The following CYP2C19 variants were observed in gnomAD, a reference collection of about 807,000 sequenced individuals.
CYP2C19 encodes cytochrome P450 2C19.
Under a neutral mutation model 40.9 loss-of-function variants are expected in CYP2C19, and 59 were observed. The ratio of observed to expected loss-of-function variants is 1.44; its 90% CI spans 1.17 to 1.79. The LOEUF (loss-of-function observed/expected upper bound fraction) is 1.79, where lower values mean the gene tolerates loss of function less well. Among genes scored for constraint, CYP2C19 ranks in the 40% most tolerant of loss-of-function variants. The pLI, the probability that CYP2C19 is intolerant of heterozygous loss-of-function variation, is 0.00. For missense variants in CYP2C19, 754 were observed against 596.9 expected (o/e 1.26, Z -2.74); for synonymous variants, 253 against 208.7 (o/e 1.21, Z -1.83).
At chr10:94,822,058 T>C (rs1046722909) in intron 6 of CYP2C19, among the ~76,000 whole-genome samples, 1 of 152,220 alleles carries the variant, frequency 6.6e-6, no homozygotes, top group South Asian at 2.1e-4. Context: ...TTTCTGTTCT[T>C]GTATTAGATT....
chr10:94,821,831 T>A (rs557755700), intron 6 of CYP2C19, among the ~76,000 whole-genome samples: 1 of 152,180 alleles, frequency 6.6e-6, no homozygotes, highest in East Asian at 1.9e-4. Context: ...AAATACAGAT[T>A]TGTTACATGG....
chr10:94,820,656 A>G lies in CYP2C19; in HGVS notation c.961+19A>G. On this transcript the variant is annotated intron_variant, in intron 6 of 8. Transcript: ENST00000371321. ...GTCACAGGTATGATCACAGAGGATG[A>G]GTTAATTGAGTTTTAGGAAAGATGT... 6.2e-7 allele frequency: 1 copy of G among 1,614,056 alleles called. No individual in the cohort carries two copies. Among genetic ancestry groups the G allele is most frequent in the Non-Finnish European group, 8.5e-7 (1 of 1,179,960 alleles).
At chr10:94,779,923 A>T (rs1424225999) in intron 3 of CYP2C19, among the ~76,000 whole-genome samples, 1 of 152,054 alleles carries the variant, frequency 6.6e-6, no homozygotes, top group African/African-American at 2.4e-5. Context: ...TTTTTGTTTA[A>T]TTTTTTTGAC....
intron 3 of CYP2C19, among the ~76,000 whole-genome samples, chr10:94,779,070 A>G (rs749952132): frequency 6.6e-6 from 1 of 152,110 alleles, no homozygotes; most frequent in African/African-American, 2.4e-5. Flanking sequence ...AAATGAGAAC[A>G]CATGGACACA....
intron 5 of CYP2C19, among the ~76,000 whole-genome samples, chr10:94,792,857 T>G (rs1050807725): frequency 1.3e-5 from 2 of 152,134 alleles, no homozygotes; most frequent in African/African-American, 4.8e-5. Flanking sequence ...TCGAGGAGTA[T>G]CTTTGTGGCA....
chr10:94,835,473 C>T (rs574120394), intron 6 of CYP2C19, among the ~76,000 whole-genome samples: 11 of 152,254 alleles, frequency 7.2e-5, no homozygotes, highest in African/African-American at 1.7e-4. Context: ...CTTGGTTTCC[C>T]GGAGGGGATT....
chr10:94,808,491 T>C (rs1589362070), intron 5 of CYP2C19, among the ~76,000 whole-genome samples: 2 of 152,186 alleles, frequency 1.3e-5, no homozygotes, highest in East Asian at 3.9e-4. Flanking sequence ...TTATTGACTA[T>C]AGTCACCCTA....
chr10:94,816,819 A>G (rs1214159897), intron 5 of CYP2C19, among the ~76,000 whole-genome samples: 4 of 149,036 alleles, frequency 2.7e-5, no homozygotes, highest in Non-Finnish European at 5.9e-5. Flanking sequence ...ATGAGTGAGA[A>G]TATACGGTGT....
At position 94,770,276 on chromosome 10, in the gene CYP2C19, C is replaced by T. The variant is rs905733401; in HGVS notation, c.169-4782C>T. Reference sequence around the variant, plus strand: ...ATTGCACTCTGGGGAAGTGTGCCTTCCAGTGATTGCCTTGGCATAGCAGAC... The same window carrying T: ...ATTGCACTCTGGGGAAGTGTGCCTTTCAGTGATTGCCTTGGCATAGCAGAC... On this transcript the variant is annotated intron_variant, in intron 1 of 8. Transcript: ENST00000371321. Among the ~76,000 whole-genome samples, 49 of 152,230 alleles carry T rather than the reference C, an allele frequency of 3.2e-4. 1 individual carries two copies. Among genetic ancestry groups the T allele is most frequent in the African/African-American group, 1.1e-3 (47 of 41,546 alleles).
intron 5 of CYP2C19, among the ~76,000 whole-genome samples, chr10:94,784,331 C>A (rs1362747776): frequency 6.6e-6 from 1 of 152,050 alleles, no homozygotes; most frequent in African/African-American, 2.4e-5. Flanking sequence ...CAACTTTTGG[C>A]TCTTATAGAT....
intron 5 of CYP2C19, among the ~76,000 whole-genome samples, chr10:94,789,032 G>A (rs923425617): frequency 1.3e-4 from 20 of 151,824 alleles, no homozygotes; most frequent in South Asian, 2.1e-4. Flanking sequence ...TTTAATGTTC[G>A]CCATTCTAAC....
intron 1 of CYP2C19, among the ~76,000 whole-genome samples, chr10:94,765,106 T>A (rs931349964): frequency 7.9e-5 from 12 of 152,152 alleles, no homozygotes; most frequent in South Asian, 6.2e-4. Flanking sequence ...AGGATAGATT[T>A]TGTTATTTCT....
At chr10:94,812,987 T>TC (rs1189039411) in intron 5 of CYP2C19, among the ~76,000 whole-genome samples, 3 of 151,570 alleles carry the variant, frequency 2.0e-5, no homozygotes, top group African/African-American at 7.3e-5. Flanking sequence ...GTTTTTTTTT[T>TC]CTCATATTTG....
At chr10:94,820,704 T>C (rs555003615) in intron 6 of CYP2C19, 67 bp downstream of exon 6, 1 of 1,587,298 alleles carries the variant, frequency 6.3e-7, no homozygotes, top group Non-Finnish European at 8.6e-7. Context: ...GCTAGTGTTC[T>C]CCTTTCTGTT....
intron 1 of CYP2C19, among the ~76,000 whole-genome samples, chr10:94,766,204 C>A (rs200649282): frequency 9.4e-6 from 1 of 105,920 alleles, no homozygotes; most frequent in Non-Finnish European, 2.0e-5. Context: ...ACAAAGCCAA[C>A]AGTCATTTGC....
Position 94,849,897 on chromosome 10 carries a change from CCTATGT to C in CYP2C19, c.1150-17_1150-12del. 6.2e-7 allele frequency: 1 copy of C among 1,613,342 alleles called. No homozygotes were observed. Among genetic ancestry groups the C allele is most frequent in the Non-Finnish European group, 8.5e-7 (1 of 1,179,550 alleles). On this transcript the variant is annotated splice_polypyrimidine_tract_variant and intron_variant, in intron 7 of 8. Transcript: ENST00000371321. ...CGTGACTTCTTTACAGCTCAGTTCA[CCTATGT>C]CTCTTGTTTCTAGGGCACAACCATA...
At chr10:94,851,683 C>T (rs368247836) in intron 8 of CYP2C19, among the ~76,000 whole-genome samples, 1 of 151,912 alleles carries the variant, frequency 6.6e-6, no homozygotes, top group Non-Finnish European at 1.5e-5. Flanking sequence ...GATAATACCC[C>T]CTCTGTATCC....
Position 94,826,491 on chromosome 10 carries a change from T to C in CYP2C19, c.961+5854T>C, listed in dbSNP as rs541502766. On this transcript the variant is annotated intron_variant, in intron 6 of 8. Transcript: ENST00000371321. ...TGTTGGTGTATAAGAATGCTTGTGATTTTTGTACATTGATTTTGTATCCTG... is the reference window on the plus strand; with the variant it reads ...TGTTGGTGTATAAGAATGCTTGTGACTTTTGTACATTGATTTTGTATCCTG... Among the ~76,000 whole-genome samples, 3 of 152,320 alleles carry C rather than the reference T, an allele frequency of 2.0e-5. No homozygotes were observed. In the East Asian group the frequency reaches 5.8e-4, roughly 29 times the overall value.
At chr10:94,811,234 T>C (rs1009237489) in intron 5 of CYP2C19, among the ~76,000 whole-genome samples, 2 of 152,220 alleles carry the variant, frequency 1.3e-5, no homozygotes, top group Non-Finnish European at 2.9e-5. Flanking sequence ...GATGGCACTG[T>C]GGTCTAATAG....
Sources: allele counts gnomAD v4.1 joint callset (sites outside exome capture counted in the v4.1 genomes callset), GRCh38; gene constraint gnomAD v4.1.1; transcripts MANE v1.5; gene names NCBI Gene and HGNC (gene_info 2026-07-23, HGNC 2026-07-21).